The following TPH1 variants were observed in gnomAD, a reference collection of about 807,000 sequenced individuals.
TPH1 encodes tryptophan 5-hydroxylase 1.
Under a neutral mutation model 49.5 loss-of-function variants are expected in TPH1, and 37 were observed. The ratio of observed to expected loss-of-function variants is 0.75; its 90% CI spans 0.58 to 0.98. The LOEUF (loss-of-function observed/expected upper bound fraction) is 0.98. TPH1 is among the 50% of genes least tolerant of loss of function. TPH1 has a pLI of 0.00. For synonymous variants in TPH1, 160 were observed against 182.1 expected (o/e 0.88, Z 0.98); for missense variants, 487 against 523.6 (o/e 0.93, Z 0.68).
At chr11:18,039,802 T>C (rs1350726598) in intron 2 of TPH1, among the ~76,000 whole-genome samples, 1 of 152,194 alleles carries the variant, frequency 6.6e-6, no homozygotes, top group African/African-American at 2.4e-5. Flanking sequence ...AATATTCGTG[T>C]TCTGCCTGAC....
In TPH1 at chr11:18,024,045, A is replaced by G. The variant is rs1391574757; in HGVS notation, c.931-62T>C. 4.5e-6 allele frequency: 6 copies of G among 1,322,924 alleles called. No homozygotes were observed. The South Asian group carries it at 4.7e-5, about 10-fold the overall frequency. The allele number at this position is 1,322,924 out of a possible 1,614,324, so 81.9% of individuals were successfully genotyped here. ...CGAATTCAACTTAAAACAAATTACA[A>G]TTCTTAGTCACTGACCCAAAATACC... On this transcript the variant is annotated intron_variant, in intron 8 of 10. Transcript: ENST00000682019.
rs1854340548 is a variant in TPH1 at position 18,020,087 on chromosome 11, A to G, written c.*904T>C. ...CAGTTTGAACTCTTCCTTTGATAAC[A>G]ATGCTTCCTGTTAATCTGGGGACAA... On this transcript the variant is annotated 3_prime_UTR_variant, in exon 11 of 11. Coordinates refer to ENST00000682019, the MANE Select transcript of TPH1 (RefSeq NM_004179.3). The G allele has an allele frequency of 4.7e-6, 1 of 214,316 alleles. No homozygotes were observed. The highest frequency in any genetic ancestry group is 7.6e-5 in the South Asian group (1 of 13,182). 13.3% of individuals were successfully genotyped at this position (214,316 alleles called of 1,614,324 possible).
At chr11:18,034,932 A>C (rs1848029098) in intron 3 of TPH1, among the ~76,000 whole-genome samples, 1 of 152,054 alleles carries the variant, frequency 6.6e-6, no homozygotes, top group South Asian at 2.1e-4. Context: ...GTGGAAGACA[A>C]TTTTTCCAAG....
At chr11:18,034,511 G>T (rs1848025204) in intron 3 of TPH1, among the ~76,000 whole-genome samples, 1 of 152,308 alleles carries the variant, frequency 6.6e-6, no homozygotes, top group South Asian at 2.1e-4. Flanking sequence ...TTCTTGGGGG[G>T]ACAGTATCTG....
intron 6 of TPH1, 92 bp from the exon 7 acceptor site, chr11:18,026,717 G>A (rs922195598): frequency 2.0e-5 from 29 of 1,457,168 alleles, no homozygotes; most frequent in African/African-American, 5.6e-5. Flanking sequence ...CAAGTAACAC[G>A]TTGATGGAAG....
intron 7 of TPH1, 26 bp downstream of exon 7, chr11:18,026,464 T>C: frequency 1.9e-6 from 3 of 1,593,536 alleles, no homozygotes; most frequent in Non-Finnish European, 2.6e-6. Flanking sequence ...ATTTGATGAA[T>C]TCCTGGCTGA....
chr11:18,021,106 C>T lies in TPH1; in HGVS notation c.1220G>A (p.Ser407Asn). 6.2e-7 allele frequency: 1 copy of T among 1,613,708 alleles called. No homozygotes were observed. Residue 407 changes from serine (S) to asparagine (N), a missense_variant, in exon 11 of 11, where the codon AGT becomes AAT. Coordinates refer to ENST00000682019, the MANE Select transcript of TPH1 (RefSeq NM_004179.3). ...FGVKYNPYTR[S>N]IQILKDTKSI... Reference sequence around the variant, plus strand: ...CTTGGTGTCTTTCAGGATCTGAATACTCCGTGTATATGGATTATACTTCAC... The same window carrying T: ...CTTGGTGTCTTTCAGGATCTGAATATTCCGTGTATATGGATTATACTTCAC...
At chr11:18,026,850 G>A (rs1847933884) in intron 6 of TPH1, among the ~76,000 whole-genome samples, 1 of 152,116 alleles carries the variant, frequency 6.6e-6, no homozygotes, top group South Asian at 2.1e-4. Flanking sequence ...TTTACAGCAT[G>A]ACTTAAGGAT....
chr11:18,045,482 C>CCCCCCT (rs1296740991), intron 1 of TPH1, among the ~76,000 whole-genome samples: 5 of 149,244 alleles, frequency 3.4e-5, no homozygotes, highest in African/African-American at 1.2e-4. Flanking sequence ...CCACCCCCCC[C>CCCCCCT]TTTTTTTTTT....
intron 8 of TPH1, 96 bp downstream of exon 8, chr11:18,025,479 A>G: frequency 6.3e-7 from 1 of 1,578,284 alleles, no homozygotes; most frequent in Non-Finnish European, 8.7e-7. Context: ...GCAAAGACAA[A>G]TTTTCTAATG....
At chr11:18,043,821 G>A (rs186050816) in intron 1 of TPH1, among the ~76,000 whole-genome samples, 5 of 151,402 alleles carry the variant, frequency 3.3e-5, no homozygotes, top group South Asian at 2.1e-4. Context: ...ATCCATGATC[G>A]CGCCACTGCA....
rs537146753 is a variant in TPH1, at chr11:18,023,131, C to G, written c.1027-200G>C. The G allele has an allele frequency of 6.0e-4, 337 of 557,846 alleles. 4 individuals carry two copies. The highest frequency in any genetic ancestry group is 5.3e-3 in the South Asian group (259 of 49,252). The allele number at this position is 557,846 out of a possible 1,614,324, so 34.6% of individuals were successfully genotyped here. ...GGCTTGCCCTTCCCTGTAAATACCC[C>G]CAAGATCCTCTCCATGGCTTTGTTC... On this transcript the variant is annotated intron_variant, in intron 9 of 10. Coordinates refer to ENST00000682019, the MANE Select transcript of TPH1 (RefSeq NM_004179.3).
intron 1 of TPH1, 161 bp from the exon 2 acceptor site, chr11:18,040,949 A>G (rs1353103288): frequency 7.5e-5 from 44 of 584,968 alleles, no homozygotes; most frequent in Non-Finnish European, 1.3e-4. Flanking sequence ...GTGAGACCAA[A>G]ATAAGATACA....
At chr11:18,046,073 G>A (rs1162688046) in intron 1 of TPH1, among the ~76,000 whole-genome samples, 168 bp downstream of exon 1, 1 of 152,206 alleles carries the variant, frequency 6.6e-6, no homozygotes, top group African/African-American at 2.4e-5. Context: ...TGGGAGGAAA[G>A]AATAGTAAGC....
In TPH1 at chr11:18,026,608, T is replaced by C. The variant is rs1454584806; in HGVS notation, c.685A>G (p.Ile229Val). The C allele has an allele frequency of 1.2e-6, 2 of 1,613,892 alleles. No homozygotes were observed. Among genetic ancestry groups the C allele is most frequent in the African/African-American group, 2.7e-5 (2 of 74,900 alleles). Reference protein sequence around the residue: ...NFLKERTGFSIRPVAGYLSPR... With the variant: ...NFLKERTGFSVRPVAGYLSPR... ...GATAAGTAACCAGCCACAGGACGGA[T>C]GGAAAAACCTGTACGCTCTGCAAAG... The change falls in exon 7 of 11, where the codon ATC (isoleucine) becomes GTC (valine). Residue 229 changes from isoleucine (I) to valine (V), a missense_variant. Physicochemically the swap from Ile to Val is conservative, Grantham distance 29. Transcript: ENST00000682019.
chr11:18,033,374 C>T lies in TPH1; in HGVS notation c.302G>A (p.Gly101Asp). ...LPDNFTLKEDGMETVPWFPKK... is the reference protein window; with the variant it reads ...LPDNFTLKEDDMETVPWFPKK... ...TGGAAACCAAGGAACAGTTTCCATA[C>T]CTGTAAAATTTAAAATAAAATAAAA... is the stretch of plus-strand genomic sequence containing the variant. The change falls in exon 4 of 11, where the codon GGT becomes GAT. Residue 101 changes from glycine to aspartate, a missense_variant and splice_region_variant. Physicochemically the swap from Gly to Asp is moderately conservative, Grantham distance 94. Coordinates refer to ENST00000682019, the MANE Select transcript of TPH1 (RefSeq NM_004179.3). The T allele has an allele frequency of 6.2e-7, 1 of 1,601,822 alleles. No individual in the cohort carries two copies. Among genetic ancestry groups the T allele is most frequent in the South Asian group, 1.1e-5 (1 of 90,290 alleles).
intron 3 of TPH1, 104 bp downstream of exon 3, chr11:18,035,855 G>A (rs1848043576): frequency 3.0e-6 from 3 of 985,586 alleles, no homozygotes; most frequent in Non-Finnish European, 4.6e-6. Context: ...AAGCAATTTG[G>A]AGAGCTTGTG....
In TPH1 at chr11:18,025,642, T is replaced by C. The variant is rs369405226; in HGVS notation, c.863A>G (p.Gln288Arg). ...AGCCAAGCCAATTTCTTGGGAGAATTGGGCAAAACTAGGTTCAGCCAAAAG... is the reference window on the plus strand; with the variant it reads ...AGCCAAGCCAATTTCTTGGGAGAATCGGGCAAAACTAGGTTCAGCCAAAAG... ...VPLLAEPSFAQFSQEIGLASL... is the reference protein window; with the variant it reads ...VPLLAEPSFARFSQEIGLASL... Residue 288 changes from glutamine (Q) to arginine (R), a missense_variant, in exon 8 of 11, where the codon CAA becomes CGA. Physicochemically the swap from Gln to Arg is conservative, Grantham distance 43. Coordinates refer to ENST00000682019, the MANE Select transcript of TPH1 (RefSeq NM_004179.3). 39 of 1,614,010 alleles carry C rather than the reference T, an allele frequency of 2.4e-5. No individual in the cohort carries two copies. In the African/African-American group the frequency reaches 4.0e-4, roughly 17 times the overall value.
chr11:18,020,451 T>C lies in TPH1; in HGVS notation c.*540A>G, dbSNP rs1854346207. On this transcript the variant is annotated 3_prime_UTR_variant, in exon 11 of 11. Coordinates refer to ENST00000682019, the MANE Select transcript of TPH1 (RefSeq NM_004179.3). ...GGTATCCTCCATGTGCAAAGGCCTC[T>C]ATACTTTTGCTCATGCTAGCAACAA... The C allele has an allele frequency of 6.2e-6, 1 of 161,158 alleles. No homozygotes were observed. Among genetic ancestry groups the C allele is most frequent in the Non-Finnish European group, 1.4e-5 (1 of 73,176 alleles). The allele number at this position is 161,158 out of a possible 1,614,324, so 10.0% of individuals were successfully genotyped here. A position where few individuals can be genotyped will look rare whatever the true frequency, so the allele number is the denominator to read the frequency against.
Sources: gnomAD v4.1 joint callset for allele counts (sites outside exome capture counted in the v4.1 genomes callset) on GRCh38, gnomAD v4.1.1 for gene constraint, MANE v1.5 for transcripts, NCBI Gene and HGNC (gene_info 2026-07-23, HGNC 2026-07-21) for gene names.